USP39: variants seen among roughly 807,000 people sequenced by gnomAD.
USP39 encodes ubiquitin carboxyl-terminal hydrolase 39.
Under a neutral mutation model 66.4 loss-of-function variants are expected in USP39, and 38 were observed. That is an observed-to-expected ratio of 0.57 (90% CI 0.44 to 0.75). The LOEUF is 0.75. Among genes scored for constraint, USP39 ranks in the 30% least tolerant of loss-of-function variants. USP39 has a pLI of 0.00. For synonymous variants in USP39, 303 were observed against 274.6 expected (o/e 1.10, Z -1.02); for missense variants, 608 against 714.4 (o/e 0.85, Z 1.70).
chr2:85,625,414 C>T lies in USP39; in HGVS notation c.571-125C>T, dbSNP rs1327607300. On this transcript the variant is annotated intron_variant, in intron 4 of 12. Coordinates refer to ENST00000323701, the MANE Select transcript of USP39 (RefSeq NM_006590.4). The stretch of plus-strand genomic sequence containing the variant: ...CAATCTTTACACCTACTGGTTCGGA[C>T]TATTTTTCTGTGTGTGGTGGGATGT... 4.7e-6 allele frequency: 6 copies of T among 1,269,872 alleles called. No homozygotes were observed. In the East Asian group the frequency reaches 1.3e-4, roughly 27 times the overall value. The allele number at this position is 1,269,872 out of a possible 1,614,324, so 78.7% of individuals were successfully genotyped here.
upstream of USP39, chr2:85,611,884 A>G (rs781160277): frequency 2.5e-6 from 4 of 1,597,020 alleles, no homozygotes; most frequent in South Asian, 1.1e-5. Context: ...GTACCGAGCG[A>G]TCTGGTTCCG....
chr2:85,604,353 G>T (rs1673136169), intron 1 of USP39, among the ~76,000 whole-genome samples: 1 of 152,054 alleles, frequency 6.6e-6, no homozygotes, highest in South Asian at 2.1e-4. Flanking sequence ...GGGATTACAG[G>T]TGCCTGCCAC....
At chr2:85,615,510 C>A (rs1263377705), upstream of USP39, among the ~76,000 whole-genome samples, 1 of 152,070 alleles carries the variant, frequency 6.6e-6, no homozygotes, top group Non-Finnish European at 1.5e-5. Context: ...TTAGGGCTGT[C>A]AAGGGGATGA....
upstream of USP39, among the ~76,000 whole-genome samples, chr2:85,609,987 ATCT>A (rs934792626): frequency 4.2e-5 from 6 of 143,610 alleles, no homozygotes; most frequent in African/African-American, 1.6e-4. Flanking sequence ...AGCTGCCCCA[ATCT>A]TCTTATGGGT....
At chr2:85,630,453 G>T (rs559562642) in intron 5 of USP39, among the ~76,000 whole-genome samples, 3 of 152,314 alleles carry the variant, frequency 2.0e-5, no homozygotes, top group African/African-American at 7.2e-5. Flanking sequence ...TTGAATACCT[G>T]TGTTTTGTTT....
At chr2:85,611,820 G>A (rs200797297), upstream of USP39, 1 of 1,607,874 alleles carries the variant, frequency 6.2e-7, no homozygotes, top group Non-Finnish European at 8.5e-7. Flanking sequence ...AGGGACTGTC[G>A]GGCCGGGCCA....
chr2:85,618,692 C>T (rs1187553431), intron 1 of USP39, among the ~76,000 whole-genome samples: 1 of 151,678 alleles, frequency 6.6e-6, no homozygotes, highest in African/African-American at 2.4e-5. Flanking sequence ...ATGTAAAATG[C>T]AAACAAATCT....
upstream of USP39, chr2:85,609,665 T>C (rs947552956): frequency 7.4e-5 from 114 of 1,549,614 alleles, no homozygotes; most frequent in Non-Finnish European, 9.1e-5. Flanking sequence ...TGCAGGAAAA[T>C]ATACGGTTAG....
chr2:85,639,457 T>C, intron 9 of USP39, 66 bp downstream of exon 9: 5 of 1,295,348 alleles, frequency 3.9e-6, no homozygotes, highest in Non-Finnish European at 5.1e-6. Flanking sequence ...TCATTTTCTT[T>C]TTTTTTTTTT....
At chr2:85,644,523 C>T (rs1676494964) in intron 10 of USP39, among the ~76,000 whole-genome samples, 2 of 152,076 alleles carry the variant, frequency 1.3e-5, no homozygotes, top group Admixed American at 1.3e-4. Context: ...CCGTAATCTC[C>T]TGGGCTCAAG....
chr2:85,641,907 TAA>T (rs759697072), intron 10 of USP39, among the ~76,000 whole-genome samples: 1,202 of 91,218 alleles, frequency 0.013, 12 homozygotes, highest in South Asian at 0.023. Context: ...GTGACTGTGC[TAA>T]AAAAAAAAAA....
At chr2:85,624,826 G>A (rs1674721783) in intron 4 of USP39, among the ~76,000 whole-genome samples, 1 of 152,084 alleles carries the variant, frequency 6.6e-6, no homozygotes, top group Non-Finnish European at 1.5e-5. Flanking sequence ...AGCCGGGCAT[G>A]ATGGCACATG....
Position 85,616,206 on chromosome 2 carries a change from G to T in USP39, c.11G>T (p.Arg4Leu). The change falls in exon 1 of 13, where the codon CGG becomes CTG. Residue 4 changes from arginine to leucine, a missense_variant. By Grantham distance (102) the Arg-to-Leu change is moderately radical. Coordinates refer to ENST00000323701, the MANE Select transcript of USP39 (RefSeq NM_006590.4). The part of the protein sequence containing the change: MSG[R>L]SKRESRGSTR... ...CGGCCGGTAGTGGAGATGTCCGGCC[G>T]GTCTAAGCGGGAGTCTCGCGGTTCC... is the stretch of plus-strand genomic sequence containing the variant. The T allele has an allele frequency of 1.2e-5, 18 of 1,455,446 alleles. No individual in the cohort carries two copies. The highest frequency in any genetic ancestry group is 1.6e-5 in the Non-Finnish European group (18 of 1,103,118). 90.2% of individuals were successfully genotyped at this position (1,455,446 alleles called of 1,614,324 possible). A position where few individuals can be genotyped will look rare whatever the true frequency, so the allele number is the denominator to read the frequency against.
rs1198360803 is a variant in USP39 at position 85,616,436 on chromosome 2, G to T, written c.241G>T (p.Asp81Tyr). Residue 81 changes from aspartate (D) to tyrosine (Y), a missense_variant, in exon 1 of 13, where the codon GAC becomes TAC. Asp to Tyr is a radical substitution (Grantham distance 160). Coordinates refer to ENST00000323701, the MANE Select transcript of USP39 (RefSeq NM_006590.4). ...GAAGCGGGAGCGCGAGGTCGATGAGGACTCGGAGCCTGAGCGGGAGGTGCG... is the reference window on the plus strand; with the variant it reads ...GAAGCGGGAGCGCGAGGTCGATGAGTACTCGGAGCCTGAGCGGGAGGTGCG... ...RVKREREVDEDSEPEREVRAK... is the reference protein window; with the variant it reads ...RVKREREVDEYSEPEREVRAK... 1.3e-6 allele frequency: 2 copies of T among 1,580,562 alleles called. No individual in the cohort carries two copies. Among genetic ancestry groups the T allele is most frequent in the Non-Finnish European group, 1.7e-6 (2 of 1,159,368 alleles).
At position 85,619,188 on chromosome 2, in the gene USP39, A is replaced by T. The variant is rs777855283; in HGVS notation, c.269-32A>T. On this transcript the variant is annotated intron_variant, in intron 1 of 12. Transcript: ENST00000323701. ...AGTTGGCCCTGAGTATAGGTTTCCC[A>T]TTTTCAAAGCCTGTGATGATTTTCC... The T allele has an allele frequency of 1.7e-5, 27 of 1,612,380 alleles. No homozygotes were observed. The East Asian group carries it at 5.8e-4, about 35-fold the overall frequency.
intron 11 of USP39, 41 bp from the exon 12 acceptor site, chr2:85,647,889 T>C: frequency 6.2e-7 from 1 of 1,606,558 alleles, no homozygotes; most frequent in East Asian, 2.2e-5. Flanking sequence ...CCCTTTTGGT[T>C]TTAGAGAGCA....
chr2:85,623,866 A>G, intron 4 of USP39, 84 bp downstream of exon 4: 1 of 1,446,672 alleles, frequency 6.9e-7, no homozygotes, highest in Non-Finnish European at 9.3e-7. Context: ...ACCTGAGGAC[A>G]GGGAAGAATC....
rs1211572718 is a variant in USP39, at chr2:85,616,384, G to A, written c.189G>A (p.Pro63=). 5.0e-6 allele frequency: 8 copies of A among 1,603,116 alleles called. No homozygotes were observed. Among genetic ancestry groups the A allele is most frequent in the Non-Finnish European group, 6.8e-6 (8 of 1,175,126 alleles). The part of the protein sequence containing the change: ...EFEPASAREA[P]ASVVPFVRVK... ...AGCCGGCGAGCGCGCGCGAGGCCCCGGCTTCTGTTGTCCCGTTTGTGCGGG... is the reference window on the plus strand; with the variant it reads ...AGCCGGCGAGCGCGCGCGAGGCCCCAGCTTCTGTTGTCCCGTTTGTGCGGG... The change falls in exon 1 of 13, where the codon CCG becomes CCA. Residue 63 remains proline (P), a synonymous_variant. Coordinates refer to ENST00000323701, the MANE Select transcript of USP39 (RefSeq NM_006590.4).
At chr2:85,633,396 T>TA (rs1189772897) in intron 6 of USP39, among the ~76,000 whole-genome samples, 1 of 152,208 alleles carries the variant, frequency 6.6e-6, no homozygotes, top group Non-Finnish European at 1.5e-5. Context: ...GTGCTGGGAT[T>TA]ACAGGTGTGA....
Sources: allele counts gnomAD v4.1 joint callset (sites outside exome capture counted in the v4.1 genomes callset), GRCh38; gene constraint gnomAD v4.1.1; transcripts MANE v1.5; gene names NCBI Gene and HGNC (gene_info 2026-07-23, HGNC 2026-07-21).